Variants in C1QTNF3 observed in about 807,000 individuals in gnomAD.
C1QTNF3 encodes the protein C1q and TNF related 3.
In C1QTNF3, 26 loss-of-function variants were observed where a neutral mutation model predicts 32.6. The observed-to-expected ratio is 0.80, with a 90% CI of 0.58 to 1.11. C1QTNF3 has a LOEUF of 1.11. Among genes scored for constraint, C1QTNF3 ranks in the 50% least tolerant of loss-of-function variants. The pLI is 0.00. For missense variants in C1QTNF3, 362 were observed against 398.2 expected (o/e 0.91, Z 0.77); for synonymous variants, 155 against 146.0 (o/e 1.06, Z -0.44).
the C1QTNF3 span, among the ~76,000 whole-genome samples, chr5:34,129,268 T>A: frequency 6.6e-5 from 10 of 152,162 alleles, no homozygotes; most frequent in Non-Finnish European, 1.5e-4. Context: ...CTCAGGTAGT[T>A]CTTTACAGCA....
chr5:34,051,110 ACTT>A, the C1QTNF3 span, among the ~76,000 whole-genome samples: 2 of 152,196 alleles, frequency 1.3e-5, no homozygotes, highest in African/African-American at 2.4e-5. Flanking sequence ...AAGGAAATGT[ACTT>A]CTTCTCTCTC....
the C1QTNF3 span, chr5:34,168,250 T>A: frequency 6.6e-6 from 1 of 151,984 alleles, no homozygotes; most frequent in Non-Finnish European, 1.5e-5. Context: ...CTATAATAGA[T>A]TGGGAAATAT....
chr5:34,053,316 T>G, the C1QTNF3 span, among the ~76,000 whole-genome samples: 1 of 152,228 alleles, frequency 6.6e-6, no homozygotes, highest in South Asian at 2.1e-4. Context: ...GGAGCAGATC[T>G]GGGGTTGGCA....
the C1QTNF3 span, among the ~76,000 whole-genome samples, chr5:34,195,753 T>C: frequency 6.6e-6 from 1 of 151,862 alleles, no homozygotes; most frequent in East Asian, 1.9e-4. Context: ...CGCAGGAGAA[T>C]GGCGTGAACC....
chr5:34,210,513 T>TC, the C1QTNF3 span, among the ~76,000 whole-genome samples: 1 of 151,740 alleles, frequency 6.6e-6, no homozygotes, highest in East Asian at 1.9e-4. Flanking sequence ...TCACATAATT[T>TC]TTTTTTTTTT....
chr5:34,052,439 C>T, the C1QTNF3 span, among the ~76,000 whole-genome samples: 1 of 152,176 alleles, frequency 6.6e-6, no homozygotes, highest in Admixed American at 6.5e-5. Flanking sequence ...AACACAGTGC[C>T]AGCCATATGA....
chr5:34,044,073 A>G (rs1204273620), upstream of C1QTNF3, among the ~76,000 whole-genome samples: 1 of 152,198 alleles, frequency 6.6e-6, no homozygotes, highest in Non-Finnish European at 1.5e-5. Flanking sequence ...CCCTGTCTCT[A>G]CTTAAAAAAT....
chr5:34,126,042 G>T, the C1QTNF3 span, among the ~76,000 whole-genome samples: 2 of 152,190 alleles, frequency 1.3e-5, no homozygotes, highest in Non-Finnish European at 2.9e-5. Flanking sequence ...ATAAAGAAAA[G>T]ATAGTGTTCT....
At chr5:34,075,885 G>A in the C1QTNF3 span, among the ~76,000 whole-genome samples, 1 of 150,568 alleles carries the variant, frequency 6.6e-6, no homozygotes, top group Non-Finnish European at 1.5e-5. Flanking sequence ...TGGTGTGTGT[G>A]TGTGTGTGTG....
At chr5:34,215,095 A>G in the C1QTNF3 span, among the ~76,000 whole-genome samples, 1 of 152,198 alleles carries the variant, frequency 6.6e-6, no homozygotes, top group Non-Finnish European at 1.5e-5. Context: ...AGCAGAGTTA[A>G]GATTAAAATT....
At chr5:34,052,387 T>C in the C1QTNF3 span, among the ~76,000 whole-genome samples, 1 of 152,206 alleles carries the variant, frequency 6.6e-6, no homozygotes, top group African/African-American at 2.4e-5. Context: ...ATCTATACCA[T>C]AACGAGATCT....
At chr5:34,202,200 G>A in the C1QTNF3 span, among the ~76,000 whole-genome samples, 7 of 151,984 alleles carry the variant, frequency 4.6e-5, no homozygotes, top group South Asian at 1.5e-3. Flanking sequence ...CCTCTTCAAA[G>A]AGTGGAACGA....
chr5:34,123,391 T>G, the C1QTNF3 span, among the ~76,000 whole-genome samples: 1 of 152,184 alleles, frequency 6.6e-6, no homozygotes, highest in Non-Finnish European at 1.5e-5. Context: ...CATATATACA[T>G]ATAAATAATA....
the C1QTNF3 span, among the ~76,000 whole-genome samples, chr5:34,198,044 G>A: frequency 1.4e-5 from 2 of 139,002 alleles, no homozygotes; most frequent in African/African-American, 5.7e-5. Flanking sequence ...GACCAGCCTG[G>A]CCAGTATGGT....
the C1QTNF3 span, among the ~76,000 whole-genome samples, chr5:34,213,810 T>TATACATATATATATATATA: frequency 7.3e-5 from 1 of 13,656 alleles, no homozygotes; most frequent in East Asian, 3.9e-3. Context: ...TATATATATA[T>TATACATATATATATATATA]TTTTTTTTTT....
At chr5:34,087,365 G>A in the C1QTNF3 span, among the ~76,000 whole-genome samples, 2 of 151,810 alleles carry the variant, frequency 1.3e-5, no homozygotes, top group East Asian at 1.9e-4. Context: ...ACAAAGTTTC[G>A]GATTAACACC....
the C1QTNF3 span, among the ~76,000 whole-genome samples, chr5:34,134,471 A>G: frequency 6.6e-6 from 1 of 152,190 alleles, no homozygotes; most frequent in African/African-American, 2.4e-5. Context: ...GACCCAAGTC[A>G]CTTCTGTCAC....
At chr5:34,222,874 G>A in the C1QTNF3 span, among the ~76,000 whole-genome samples, 1,746 of 151,722 alleles carry the variant, frequency 0.012, 38 homozygotes, top group East Asian at 0.1. Context: ...TGTGAATTTC[G>A]GGAATGGAGT....
At chr5:34,184,745 T>C in the C1QTNF3 span, among the ~76,000 whole-genome samples, 2,205 of 150,782 alleles carry the variant, frequency 0.015, 19 homozygotes, top group African/African-American at 0.053. Flanking sequence ...AAATTTGAAT[T>C]TTGTTTAAAT....
Sources: gnomAD v4.1 joint callset for allele counts (sites outside exome capture counted in the v4.1 genomes callset) on GRCh38, gnomAD v4.1.1 for gene constraint, MANE v1.5 for transcripts, NCBI Gene and HGNC (gene_info 2026-07-23, HGNC 2026-07-21) for gene names.